CHEK1: variants seen among roughly 807,000 people sequenced by gnomAD.
The protein encoded by CHEK1 is checkpoint kinase 1.
A neutral mutation model predicts 60.2 loss-of-function variants in CHEK1; 32 were observed. The observed-to-expected ratio is 0.53, with a 90% confidence interval of 0.40 to 0.71. The LOEUF is 0.71. CHEK1 is among the 30% of genes least tolerant of loss of function. CHEK1 has a pLI of 0.00. For synonymous variants in CHEK1, 179 were observed against 187.2 expected, an observed-to-expected ratio of 0.96 and a Z score of 0.36; for missense variants, 399 against 564.6, an observed-to-expected ratio of 0.71 and a Z score of 2.97.
At chr11:125,674,664 A>C (rs1159739478) in intron 13 of CHEK1, among the ~76,000 whole-genome samples, 1 of 152,210 alleles carries the variant, frequency 6.6e-6, no homozygotes, top group Non-Finnish European at 1.5e-5. Context: ...ATCTTCCTGA[A>C]GAAGCGCTTT....
At chr11:125,630,767 T>C (rs1940832876) in intron 5 of CHEK1, among the ~76,000 whole-genome samples, 1 of 152,206 alleles carries the variant, frequency 6.6e-6, no homozygotes, top group African/African-American at 2.4e-5. Context: ...TATATGTATA[T>C]CAACCCACCT....
At chr11:125,650,396 T>A (rs1436245729) in intron 11 of CHEK1, among the ~76,000 whole-genome samples, 1 of 152,054 alleles carries the variant, frequency 6.6e-6, no homozygotes, top group African/African-American at 2.4e-5. Flanking sequence ...AAGTCAGATT[T>A]TCCCCTCTTG....
At position 125,641,522 on chromosome 11, in the gene CHEK1, C is replaced by T. The variant is rs768116054; in HGVS notation, c.815-2270C>T. Among the ~76,000 whole-genome samples, 36 of 152,284 alleles carry T rather than the reference C, an allele frequency of 2.4e-4. No homozygotes were observed. The South Asian group carries it at 6.8e-3, about 29-fold the overall frequency. ...TCCTCTGAATTCCAAACTTACATGTCTTAACTGCCTTCTGAAATTTCACTT... is the reference window on the plus strand; with the variant it reads ...TCCTCTGAATTCCAAACTTACATGTTTTAACTGCCTTCTGAAATTTCACTT... On this transcript the variant is annotated intron_variant, in intron 8 of 12. Coordinates refer to ENST00000438015, the MANE Select transcript of CHEK1 (RefSeq NM_001114122.3).
chr11:125,638,470 A>G (rs1941155466), intron 8 of CHEK1, among the ~76,000 whole-genome samples: 1 of 152,180 alleles, frequency 6.6e-6, no homozygotes, highest in African/African-American at 2.4e-5. Context: ...ACATTCAGAG[A>G]GTTATTAATG....
Position 125,651,284 on chromosome 11 carries a change from C to CTTTTTTTTTTTTTT in CHEK1, c.1234-2461_1234-2460insTTTTTTTTTTTTTT, listed in dbSNP as rs1491232730. 1.5e-5 allele frequency among the ~76,000 whole-genome samples: 2 copies of CTTTTTTTTTTTTTT among 133,190 alleles called. 1 individual carries two copies. Among genetic ancestry groups the CTTTTTTTTTTTTTT allele is most frequent in the Non-Finnish European group, 3.2e-5 (2 of 63,170 alleles). The allele number at this position is 133,190 out of a possible 152,430, so 87.4% of individuals were successfully genotyped here. On this transcript the variant is annotated intron_variant, in intron 11 of 12. Coordinates refer to ENST00000438015, the MANE Select transcript of CHEK1 (RefSeq NM_001114122.3). ...TTACAAAGGTGAAATAAAGACAAGC[C>CTTTTTTTTTTTTTT]TCTTTTTTTTTTTTTTTTTTTGAGA...
intron 13 of CHEK1, among the ~76,000 whole-genome samples, chr11:125,667,884 A>T (rs1942127164): frequency 1.3e-5 from 2 of 152,140 alleles, no homozygotes; most frequent in South Asian, 4.1e-4. Context: ...GCCTCCCAAA[A>T]AGTGCTGGGA....
Position 125,636,599 on chromosome 11 carries a change from G to A in CHEK1, c.719-850G>A, listed in dbSNP as rs1941083431. The stretch of plus-strand genomic sequence containing the variant: ...TTAAGGAAAAAAACTTTAAATAATA[G>A]TTTTTCATTTTTATTTTAAATTTAA... On this transcript the variant is annotated intron_variant, in intron 7 of 12. Coordinates refer to ENST00000438015, the MANE Select transcript of CHEK1 (RefSeq NM_001114122.3). Among the ~76,000 whole-genome samples, 3 of 151,798 alleles carry A rather than the reference G, an allele frequency of 2.0e-5. No homozygotes were observed. In the South Asian group the frequency reaches 6.2e-4, roughly 31 times the overall value.
chr11:125,639,538 G>C (rs565876115), intron 8 of CHEK1, among the ~76,000 whole-genome samples: 1 of 151,768 alleles, frequency 6.6e-6, no homozygotes, highest in East Asian at 1.9e-4. Context: ...CACCACACCT[G>C]GCTAATTTTT....
At chr11:125,668,605 G>A (rs1036605750) in intron 13 of CHEK1, among the ~76,000 whole-genome samples, 2 of 152,216 alleles carry the variant, frequency 1.3e-5, no homozygotes. Flanking sequence ...CCAGGGTATA[G>A]TGCAGTAGCA....
intron 8 of CHEK1, among the ~76,000 whole-genome samples, chr11:125,638,825 A>G (rs1244237817): frequency 6.6e-6 from 1 of 152,104 alleles, no homozygotes. Context: ...GGTGATTTAA[A>G]TATTTATTTG....
chr11:125,677,480 C>T (rs750744664), downstream of CHEK1, among the ~76,000 whole-genome samples: 6 of 152,184 alleles, frequency 3.9e-5, no homozygotes, highest in Admixed American at 6.5e-5. Flanking sequence ...GAACTCTGCA[C>T]TTTCATGATC....
At chr11:125,637,019 T>C (rs1268606815) in intron 7 of CHEK1, among the ~76,000 whole-genome samples, 1 of 152,166 alleles carries the variant, frequency 6.6e-6, no homozygotes, top group Admixed American at 6.5e-5. Context: ...TAAGATACCT[T>C]AGGATGGTTA....
At chr11:125,672,452 G>A (rs1942235343) in intron 13 of CHEK1, 1 of 914,566 alleles carries the variant, frequency 1.1e-6, no homozygotes, top group East Asian at 2.4e-5. Flanking sequence ...AAGAAAGATA[G>A]GATGTTTGAG....
At chr11:125,630,397 A>C (rs924546829) in intron 5 of CHEK1, among the ~76,000 whole-genome samples, 1 of 150,176 alleles carries the variant, frequency 6.7e-6, no homozygotes. Flanking sequence ...TGTAACCTCT[A>C]CCTCTCTGGT....
chr11:125,665,924 G>T (rs1440851721), intron 13 of CHEK1, among the ~76,000 whole-genome samples: 1 of 13,924 alleles, frequency 7.2e-5, no homozygotes. Flanking sequence ...CTTGAATCTT[G>T]TTGATCTTTT....
intron 11 of CHEK1, among the ~76,000 whole-genome samples, chr11:125,652,094 C>G (rs148857971): frequency 6.6e-6 from 1 of 152,256 alleles, no homozygotes; most frequent in Non-Finnish European, 1.5e-5. Context: ...TGTGTGTTTT[C>G]ATAGTTTCTT....
At chr11:125,654,002 C>T (rs1049872760) in intron 12 of CHEK1, among the ~76,000 whole-genome samples, 155 bp downstream of exon 12, 20 of 151,736 alleles carry the variant, frequency 1.3e-4, no homozygotes, top group Admixed American at 3.9e-4. Context: ...CTATTTTTCC[C>T]GAACATTGTT....
intron 8 of CHEK1, among the ~76,000 whole-genome samples, chr11:125,638,782 A>G (rs1161524316): frequency 6.6e-6 from 1 of 152,158 alleles, no homozygotes; most frequent in African/African-American, 2.4e-5. Context: ...AGTCTGCAAA[A>G]TGACTCTTGA....
At chr11:125,678,288 C>A, downstream of CHEK1, 1 of 1,613,532 alleles carries the variant, frequency 6.2e-7, no homozygotes, top group South Asian at 1.1e-5. Context: ...ATTAGGCTGA[C>A]TTGATGTTCC....
Sources: allele counts gnomAD v4.1 joint callset (sites outside exome capture counted in the v4.1 genomes callset), GRCh38; gene constraint gnomAD v4.1.1; transcripts MANE v1.5; gene names NCBI Gene and HGNC (gene_info 2026-07-23, HGNC 2026-07-21).